The following MED15 variants were observed in gnomAD, a reference collection of about 807,000 sequenced individuals.
MED15 encodes mediator of RNA polymerase II transcription subunit 15.
Under a neutral mutation model 118.7 loss-of-function variants are expected in MED15, and 41 were observed. The observed-to-expected ratio is 0.35, with a 90% CI of 0.27 to 0.45. The LOEUF (loss-of-function observed/expected upper bound fraction) is 0.45, where lower values mean the gene tolerates loss of function less well. Among genes scored for constraint, MED15 ranks in the 20% least tolerant of loss-of-function variants. The pLI is 1.00. For missense variants in MED15, 740 were observed against 1,025.5 expected (o/e 0.72, Z 3.80); for synonymous variants, 436 against 413.9 (o/e 1.05, Z -0.65).
intron 2 of MED15, among the ~76,000 whole-genome samples, chr22:20,549,131 T>C (rs1369570186): frequency 6.6e-6 from 1 of 152,222 alleles, no homozygotes; most frequent in Admixed American, 6.5e-5. Context: ...TTCTGTTTTC[T>C]TATCTGTAAA....
Position 20,554,949 on chromosome 22 carries a change from A to T in MED15, c.252A>T (p.Ala84=). Residue 84 remains alanine, a synonymous_variant, in exon 5 of 18, where the codon GCA becomes GCT. Transcript: ENST00000263205. The stretch of plus-strand genomic sequence containing the variant: ...GTGTTCCCACAGATCCTATGAATGC[A>T]CTCCAGAGCCTGACTGGCGGACCTG... ...SQASVSDPMN[A]LQSLTGGPAA... 6.2e-7 allele frequency: 1 copy of T among 1,605,778 alleles called. No individual in the cohort carries two copies. Among genetic ancestry groups the T allele is most frequent in the Non-Finnish European group, 8.5e-7 (1 of 1,178,694 alleles).
intron 5 of MED15, among the ~76,000 whole-genome samples, chr22:20,561,534 AG>A (rs2056241661): frequency 6.6e-6 from 1 of 152,248 alleles, no homozygotes; most frequent in East Asian, 1.9e-4. Context: ...AAAAAAGGAA[AG>A]GAAAGACAAA....
chr22:20,585,756 A>G lies in MED15; in HGVS notation c.2160A>G (p.Pro720=), dbSNP rs765380128. ...ACAAGGACCTCCCAAGTGTGCCACC[A>G]CTGGAGCTCAGTGTGCCCGCTGACT... The part of the protein sequence containing the change: ...LDDKDLPSVP[P]LELSVPADYP... The change falls in exon 17 of 18, where the codon CCA becomes CCG. Residue 720 remains proline, a synonymous_variant. Transcript: ENST00000263205. The G allele has an allele frequency of 3.1e-6, 5 of 1,613,372 alleles. No homozygotes were observed. In the South Asian group the frequency reaches 3.3e-5, roughly 11 times the overall value.
intron 1 of MED15, chr22:20,518,820 C>T: frequency 2.2e-6 from 1 of 450,894 alleles, no homozygotes; most frequent in Non-Finnish European, 4.4e-6. Flanking sequence ...TCCCTCACAG[C>T]TTGTGATGGT....
At chr22:20,528,336 A>G (rs1037149890) in intron 1 of MED15, among the ~76,000 whole-genome samples, 1 of 152,200 alleles carries the variant, frequency 6.6e-6, no homozygotes, top group Non-Finnish European at 1.5e-5. Context: ...TTCACAGAAG[A>G]CAATTTTTCT....
chr22:20,528,655 C>T (rs1361395439), intron 1 of MED15, among the ~76,000 whole-genome samples: 1 of 152,102 alleles, frequency 6.6e-6, no homozygotes, highest in Non-Finnish European at 1.5e-5. Flanking sequence ...AGACACTGGG[C>T]TGTGGGTGAA....
intron 1 of MED15, among the ~76,000 whole-genome samples, chr22:20,521,447 A>C (rs2054453766): frequency 6.7e-6 from 1 of 148,432 alleles, no homozygotes; most frequent in African/African-American, 2.5e-5. Flanking sequence ...CCTAGGCTGG[A>C]GTACAGTGGC....
At chr22:20,511,361 G>A (rs532840150) in intron 1 of MED15, among the ~76,000 whole-genome samples, 47 of 151,942 alleles carry the variant, frequency 3.1e-4, no homozygotes, top group Admixed American at 1.0e-3. Flanking sequence ...GTGTGGTGGC[G>A]TGCACTCGTA....
intron 1 of MED15, chr22:20,518,895 C>T (rs1265906335): frequency 2.2e-6 from 1 of 453,280 alleles, no homozygotes; most frequent in African/African-American, 2.0e-5. Flanking sequence ...CTCTGTCACT[C>T]AGGCTGAAGT....
chr22:20,579,661 A>C (rs1601636156), intron 9 of MED15, among the ~76,000 whole-genome samples: 1 of 152,148 alleles, frequency 6.6e-6, no homozygotes, highest in Non-Finnish European at 1.5e-5. Context: ...ACCTGCCTTC[A>C]GCTCCAGGCT....
At chr22:20,581,104 C>T (rs557729851) in intron 9 of MED15, among the ~76,000 whole-genome samples, 45 of 152,308 alleles carry the variant, frequency 3.0e-4, no homozygotes, top group Admixed American at 1.4e-3. Flanking sequence ...GTTGTGGTCA[C>T]GCTCTGTGCC....
chr22:20,529,779 A>C lies in MED15; in HGVS notation c.69-7338A>C, dbSNP rs554036282. 1.9e-3 allele frequency among the ~76,000 whole-genome samples: 282 copies of C among 152,198 alleles called. 1 individual carries two copies. Among genetic ancestry groups the C allele is most frequent in the African/African-American group, 6.5e-3 (272 of 41,534 alleles). On this transcript the variant is annotated intron_variant, in intron 1 of 17. Coordinates refer to ENST00000263205, the MANE Select transcript of MED15 (RefSeq NM_001003891.3). ...TTGCCCTTTTGTATTTTTAGTAGGG[A>C]TGGGGTTTCACCATGTTGGCCAGTC...
At chr22:20,546,455 G>C (rs903540854) in intron 2 of MED15, among the ~76,000 whole-genome samples, 2 of 151,500 alleles carry the variant, frequency 1.3e-5, no homozygotes, top group Non-Finnish European at 2.9e-5. Flanking sequence ...CATTTAATTA[G>C]GGCTTGTAGA....
chr22:20,513,942 C>G (rs192510220), intron 1 of MED15, among the ~76,000 whole-genome samples: 2 of 152,166 alleles, frequency 1.3e-5, no homozygotes, highest in African/African-American at 4.8e-5. Flanking sequence ...TGGCCCACTG[C>G]AACCTCTGGC....
chr22:20,583,008 A>G, intron 11 of MED15, 41 bp downstream of exon 11: 2 of 1,595,386 alleles, frequency 1.3e-6, no homozygotes, highest in Non-Finnish European at 1.7e-6. Flanking sequence ...CCTCACCTTT[A>G]TGAGGCCTCA....
chr22:20,530,413 C>T (rs2054809301), intron 1 of MED15, among the ~76,000 whole-genome samples: 1 of 152,188 alleles, frequency 6.6e-6, no homozygotes, highest in Non-Finnish European at 1.5e-5. Flanking sequence ...AGGAATCATC[C>T]TGCCCCCCTG....
intron 8 of MED15, among the ~76,000 whole-genome samples, chr22:20,571,509 C>T (rs2056661485): frequency 1.3e-5 from 2 of 152,196 alleles, no homozygotes; most frequent in South Asian, 2.1e-4. Flanking sequence ...GTGGGTAGGG[C>T]GTATCTATGA....
intron 1 of MED15, among the ~76,000 whole-genome samples, chr22:20,521,490 G>A (rs141901165): frequency 0.11 from 15,890 of 150,754 alleles, 1,200 homozygotes; most frequent in Non-Finnish European, 0.15. Context: ...TCTGCCTCCC[G>A]GGTTCACACC....
chr22:20,586,503 C>G, intron 17 of MED15, 65 bp from the exon 18 acceptor site: 1 of 1,581,136 alleles, frequency 6.3e-7, no homozygotes, highest in Non-Finnish European at 8.6e-7. Flanking sequence ...CAGAGCACTG[C>G]CGGGTGTGCC....
Sources: gnomAD v4.1 joint callset for allele counts (sites outside exome capture counted in the v4.1 genomes callset) on GRCh38, gnomAD v4.1.1 for gene constraint, MANE v1.5 for transcripts, NCBI Gene and HGNC (gene_info 2026-07-23, HGNC 2026-07-21) for gene names.